The following ADGRV1 variants were observed in gnomAD, a reference collection of about 807,000 sequenced individuals.
The protein encoded by ADGRV1 is G-protein coupled receptor 98.
A neutral mutation model predicts 596.2 loss-of-function variants in ADGRV1; 359 were observed. That is an observed-to-expected ratio of 0.60 (90% CI 0.55 to 0.66). The LOEUF (loss-of-function observed/expected upper bound fraction) is 0.66. Among genes scored for constraint, ADGRV1 ranks in the 30% least tolerant of loss-of-function variants. The probability of loss-of-function intolerance (pLI) is 0.00; values close to 1 mark genes in which losing one functional copy is unlikely to be tolerated. For missense variants in ADGRV1, 7,274 were observed against 7,575.6 expected (o/e 0.96, Z 1.48); for synonymous variants, 2,681 against 2,679.2 (o/e 1.00, Z -0.02).
intron 70 of ADGRV1, among the ~76,000 whole-genome samples, chr5:90,798,738 CG>C (rs1761022291): frequency 6.6e-6 from 1 of 152,104 alleles, no homozygotes; most frequent in Non-Finnish European, 1.5e-5. Flanking sequence ...ATGATCAACT[CG>C]GCTTCATACC....
Position 90,654,055 on chromosome 5 carries a change from C to T in ADGRV1, c.4378+103C>T, listed in dbSNP as rs1185516956. ...AAGTGCTAACATGTATTTGAAAACT[C>T]TACTTATGCATTGGTTTAATTTCTT... On this transcript the variant is annotated intron_variant, in intron 20 of 89. Coordinates refer to ENST00000405460, the MANE Select transcript of ADGRV1 (RefSeq NM_032119.4). 2.6e-6 allele frequency: 3 copies of T among 1,163,920 alleles called. No individual in the cohort carries two copies. In the African/African-American group the frequency reaches 4.6e-5, roughly 18 times the overall value. The allele number at this position is 1,163,920 out of a possible 1,614,324, so 72.1% of individuals were successfully genotyped here.
rs1453474490 is a variant in ADGRV1 at position 90,628,392 on chromosome 5, A to G, written c.1239-170A>G. On this transcript the variant is annotated intron_variant, in intron 7 of 89. Coordinates refer to ENST00000405460, the MANE Select transcript of ADGRV1 (RefSeq NM_032119.4). ...ACACCACTGCACTTCAGCTTGGGCA[A>G]CAGAGTGTGACCCAGTCTCAAACAA... Among the ~76,000 whole-genome samples, 3 of 152,132 alleles carry G rather than the reference A, an allele frequency of 2.0e-5. 1 individual carries two copies. The highest frequency in any genetic ancestry group is 7.2e-5 in the African/African-American group (3 of 41,420).
At chr5:91,158,852 GAT>G (rs1302188765) in intron 89 of ADGRV1, among the ~76,000 whole-genome samples, 848 of 13,406 alleles carry the variant, frequency 0.063, 14 homozygotes, top group African/African-American at 0.1. Flanking sequence ...TGGATGGGTG[GAT>G]GGATGGATGG....
At chr5:91,022,710 G>A (rs541072536) in intron 85 of ADGRV1, among the ~76,000 whole-genome samples, 36 of 152,222 alleles carry the variant, frequency 2.4e-4, no homozygotes, top group African/African-American at 8.2e-4. Context: ...TTACCACTGC[G>A]TGCATTTGTG....
rs1243995092 is a variant in ADGRV1, at chr5:90,665,182, G to T, written c.4752+6904G>T. Among the ~76,000 whole-genome samples the T allele has an allele frequency of 1.3e-5, 2 of 151,668 alleles. 1 individual carries two copies. Among genetic ancestry groups the T allele is most frequent in the Non-Finnish European group, 2.9e-5 (2 of 67,964 alleles). On this transcript the variant is annotated intron_variant, in intron 21 of 89. Coordinates refer to ENST00000405460, the MANE Select transcript of ADGRV1 (RefSeq NM_032119.4). ...TCTATTGATTGGAATAGTTTCAGAA[G>T]GAATGGTACCAGTTCCTCCTTGTAC...
At chr5:90,861,964 G>A (rs1767623969) in intron 82 of ADGRV1, among the ~76,000 whole-genome samples, 1 of 152,068 alleles carries the variant, frequency 6.6e-6, no homozygotes, top group Non-Finnish European at 1.5e-5. Flanking sequence ...TAACTATGAT[G>A]CGTTATAGTT....
intron 87 of ADGRV1, among the ~76,000 whole-genome samples, chr5:91,144,566 A>C (rs1795374116): frequency 6.6e-6 from 1 of 152,202 alleles, no homozygotes; most frequent in Non-Finnish European, 1.5e-5. Context: ...TTGGTCTCCC[A>C]AGCCACTGGG....
In ADGRV1 at chr5:90,629,589, C is replaced by T. The variant is rs757939836; in HGVS notation, c.1839+50C>T. On this transcript the variant is annotated intron_variant, in intron 9 of 89. Transcript: ENST00000405460. The stretch of plus-strand genomic sequence containing the variant: ...TAATTTTGGTTAACCTTCAAGTGTA[C>T]TAACCTGTGTGAAAGAATTAACTGA... 11 of 1,242,096 alleles carry T rather than the reference C, an allele frequency of 8.9e-6. No homozygotes were observed. The African/African-American group carries it at 1.5e-4, about 17-fold the overall frequency. 76.9% of individuals were successfully genotyped at this position (1,242,096 alleles called of 1,614,324 possible).
At chr5:90,947,663 G>A (rs923087106) in intron 83 of ADGRV1, among the ~76,000 whole-genome samples, 1 of 152,006 alleles carries the variant, frequency 6.6e-6, no homozygotes, top group Non-Finnish European at 1.5e-5. Flanking sequence ...GGAGGTAGGA[G>A]GAAGAGAAAG....
At chr5:90,954,097 A>C (rs1320530158) in intron 83 of ADGRV1, among the ~76,000 whole-genome samples, 1 of 152,004 alleles carries the variant, frequency 6.6e-6, no homozygotes, top group Non-Finnish European at 1.5e-5. Flanking sequence ...TTTAATGATA[A>C]CAAAATATAT....
chr5:90,678,193 C>T (rs7715847), intron 25 of ADGRV1, among the ~76,000 whole-genome samples: 3,252 of 152,208 alleles, frequency 0.021, 103 homozygotes, highest in African/African-American at 0.075. Context: ...GGCAAAAACA[C>T]AGGGCAAAAG....
intron 85 of ADGRV1, among the ~76,000 whole-genome samples, chr5:91,068,495 G>A (rs1788085357): frequency 6.6e-6 from 1 of 151,236 alleles, no homozygotes; most frequent in Admixed American, 6.6e-5. Flanking sequence ...TAGTATCTGA[G>A]TTAGGCCTTT....
chr5:91,106,297 C>T (rs181587199), intron 87 of ADGRV1, among the ~76,000 whole-genome samples: 255 of 152,148 alleles, frequency 1.7e-3, no homozygotes, highest in African/African-American at 5.7e-3. Flanking sequence ...TAATTTTGTG[C>T]TTCTCTATTC....
At chr5:90,980,832 CTT>C (rs1479468072) in intron 84 of ADGRV1, among the ~76,000 whole-genome samples, 5 of 152,224 alleles carry the variant, frequency 3.3e-5, no homozygotes, top group Middle Eastern at 3.4e-3. Flanking sequence ...TGTTAATACT[CTT>C]AAGTTAGATT....
At chr5:90,879,958 C>CAAT (rs951282885) in intron 83 of ADGRV1, among the ~76,000 whole-genome samples, 3 of 151,806 alleles carry the variant, frequency 2.0e-5, no homozygotes, top group Non-Finnish European at 4.4e-5. Flanking sequence ...CTCAAAATAA[C>CAAT]AATAATAATA....
intron 77 of ADGRV1, among the ~76,000 whole-genome samples, chr5:90,829,649 A>G (rs1224508666): frequency 6.6e-6 from 1 of 152,132 alleles, no homozygotes; most frequent in Non-Finnish European, 1.5e-5. Context: ...TTTCACATCC[A>G]TCCTCTTAGG....
intron 89 of ADGRV1, among the ~76,000 whole-genome samples, chr5:91,158,603 A>G (rs1026101162): frequency 4.6e-5 from 7 of 152,360 alleles, no homozygotes; most frequent in Admixed American, 3.9e-4. Context: ...TGTAATAATC[A>G]AGACAGAGGT....
chr5:90,866,313 A>ATGTGTGTGTGTGTG (rs768538026), intron 83 of ADGRV1, among the ~76,000 whole-genome samples: 181 of 20,498 alleles, frequency 8.8e-3, no homozygotes, highest in African/African-American at 0.018. Context: ...GTGTATGTGT[A>ATGTGTGTGTGTGTG]TATGTGTGTG....
In ADGRV1 at chr5:90,629,418, G is replaced by A. The variant is rs200789563; in HGVS notation, c.1718G>A (p.Gly573Asp). The A allele has an allele frequency of 7.4e-6, 12 of 1,613,382 alleles. No individual in the cohort carries two copies. The highest frequency in any genetic ancestry group is 8.5e-6 in the Non-Finnish European group (10 of 1,179,774). ...GAVDPLQAKE[G>D]ILNISRRNDL... The stretch of plus-strand genomic sequence containing the variant: ...GTGGACCCCTTGCAAGCAAAAGAAG[G>A]CATCTTAAATATATCAAGGAGAAAT... Residue 573 changes from glycine to aspartate, a missense_variant, in exon 9 of 90, where the codon GGC becomes GAC. Gly to Asp is a moderately conservative substitution (Grantham distance 94). This residue lies in a region of ADGRV1 where 1,715 missense variants were observed against 1,708.8 expected (regional missense o/e 1.00). Transcript: ENST00000405460.
Sources: allele counts gnomAD v4.1 joint callset (sites outside exome capture counted in the v4.1 genomes callset), GRCh38; gene constraint gnomAD v4.1.1; regional missense constraint gnomAD v4.1.1; transcripts MANE v1.5; gene names NCBI Gene and HGNC (gene_info 2026-07-23, HGNC 2026-07-21).